Variants in KALRN observed in about 807,000 individuals in gnomAD.
KALRN encodes the protein kalirin RhoGEF kinase, also known as kalirin.
A neutral mutation model predicts 353.7 loss-of-function variants in KALRN; 70 were observed. The ratio of observed to expected loss-of-function variants is 0.20; its 90% CI spans 0.16 to 0.24. The LOEUF is 0.24. Among genes scored for constraint, KALRN ranks in the 10% least tolerant of loss-of-function variants. The probability of loss-of-function intolerance (pLI) is 1.00; values close to 1 mark genes in which losing one functional copy is unlikely to be tolerated. For missense variants in KALRN, 2,791 were observed against 3,756.7 expected, an observed-to-expected ratio of 0.74 and a Z score of 6.72; for synonymous variants, 1,391 against 1,434.8, an observed-to-expected ratio of 0.97 and a Z score of 0.69.
At position 124,084,151 on chromosome 3, in the gene KALRN, A is replaced by G. The variant is rs546900315; in HGVS notation, c.73+50338A>G. Among the ~76,000 whole-genome samples the G allele has an allele frequency of 2.7e-3, 406 of 152,346 alleles. 2 individuals carry two copies. The highest frequency in any genetic ancestry group is 4.3e-3 in the Non-Finnish European group (294 of 68,036). ...CTCCGCCACTGTGTGTGGTTGTTGG[A>G]GCTACAGGCTGTGAGGAAGAATAGT... On this transcript the variant is annotated intron_variant, in intron 1 of 59. Coordinates refer to ENST00000682506, the MANE Select transcript of KALRN (RefSeq NM_001388419.1).
chr3:124,669,264 G>A (rs1009365771), intron 47 of KALRN, among the ~76,000 whole-genome samples: 1 of 152,152 alleles, frequency 6.6e-6, no homozygotes. Flanking sequence ...GCTAGTGTTA[G>A]GGCACTCATT....
chr3:124,303,963 G>C (rs1467838796), intron 6 of KALRN, among the ~76,000 whole-genome samples: 3 of 152,090 alleles, frequency 2.0e-5, no homozygotes, highest in Admixed American at 6.6e-5. Context: ...GAGGCAGGCA[G>C]GTGGTCTCCC....
chr3:124,220,247 G>A (rs572955937), intron 1 of KALRN, among the ~76,000 whole-genome samples: 6 of 152,282 alleles, frequency 3.9e-5, no homozygotes, highest in East Asian at 1.9e-4. Context: ...CCGGCCGGTG[G>A]TAGCTGTTTT....
At chr3:124,288,529 G>T (rs562433326) in intron 5 of KALRN, among the ~76,000 whole-genome samples, 6 of 152,324 alleles carry the variant, frequency 3.9e-5, no homozygotes, top group Non-Finnish European at 8.8e-5. Flanking sequence ...GACCAGTCTG[G>T]GGTTGAGAGA....
At chr3:124,526,194 T>C (rs2067576517) in intron 33 of KALRN, among the ~76,000 whole-genome samples, 1 of 152,194 alleles carries the variant, frequency 6.6e-6, no homozygotes, top group African/African-American at 2.4e-5. Context: ...CACATGCCAG[T>C]TTCCCAACAT....
intron 3 of KALRN, among the ~76,000 whole-genome samples, chr3:124,247,223 A>C (rs1039882368): frequency 6.6e-6 from 1 of 152,190 alleles, no homozygotes; most frequent in Non-Finnish European, 1.5e-5. Flanking sequence ...CCAAGAAGAC[A>C]TAGATGGGTT....
chr3:124,606,832 G>A (rs981588474), intron 34 of KALRN, among the ~76,000 whole-genome samples: 4 of 152,176 alleles, frequency 2.6e-5, no homozygotes, highest in Admixed American at 2.0e-4. Context: ...CGATGAAGAT[G>A]TAAGACTTTT....
intron 7 of KALRN, among the ~76,000 whole-genome samples, chr3:124,329,506 C>T (rs2080281682): frequency 6.6e-6 from 1 of 152,124 alleles, no homozygotes; most frequent in Non-Finnish European, 1.5e-5. Context: ...TGTGAGTGTG[C>T]GTGGGGCAAG....
At chr3:124,039,400 T>C (rs555745320) in intron 1 of KALRN, among the ~76,000 whole-genome samples, 1 of 152,230 alleles carries the variant, frequency 6.6e-6, no homozygotes, top group African/African-American at 2.4e-5. Flanking sequence ...GTCTCCCCCA[T>C]TGAAGTTATT....
chr3:124,666,760 C>T (rs1011462864), intron 46 of KALRN, 126 bp downstream of exon 46: 8 of 817,748 alleles, frequency 9.8e-6, no homozygotes, highest in African/African-American at 1.7e-5. Context: ...GAATAACATT[C>T]GGTCATGGAG....
intron 33 of KALRN, among the ~76,000 whole-genome samples, chr3:124,508,999 G>T (rs2065560285): frequency 6.6e-6 from 1 of 152,014 alleles, no homozygotes; most frequent in African/African-American, 2.4e-5. Flanking sequence ...GTGTACAGTG[G>T]GTTGTTTGGC....
Position 124,456,658 on chromosome 3 carries a change from C to T in KALRN, c.3784C>T (p.Arg1262Trp), listed in dbSNP as rs748339297. The stretch of plus-strand genomic sequence containing the variant: ...TATTATCCCAGCAAGCCTTTCGGAT[C>T]GGGAGGTCAAGCTGCGGGACGCCAA... ...LDIIPASLSD[R>W]EVKLRDANHE... is the part of the protein sequence containing the mutation. The change falls in exon 23 of 60, where the codon CGG becomes TGG. Residue 1262 changes from arginine (R) to tryptophan (W), a missense_variant. Arg to Trp is a moderately radical substitution (Grantham distance 101). Transcript: ENST00000682506. 2 of 1,613,264 alleles carry T rather than the reference C, an allele frequency of 1.2e-6. No individual in the cohort carries two copies. Among genetic ancestry groups the T allele is most frequent in the Non-Finnish European group, 1.7e-6 (2 of 1,179,574 alleles).
Position 124,473,612 on chromosome 3 carries a change from G to A in KALRN, c.4032-1051G>A, listed in dbSNP as rs139007110. ...TAGAGAGCTGTGTCTTCTTTTCATA[G>A]CTGCATAGTATATAGCTCTGTGGAT... On this transcript the variant is annotated intron_variant, in intron 25 of 59. Transcript: ENST00000682506. Among the ~76,000 whole-genome samples, 226 of 152,278 alleles carry A rather than the reference G, an allele frequency of 1.5e-3. 1 individual carries two copies. Among genetic ancestry groups the A allele is most frequent in the Non-Finnish European group, 2.3e-3 (157 of 68,016 alleles).
At chr3:124,373,195 A>G (rs976025305) in intron 10 of KALRN, among the ~76,000 whole-genome samples, 1 of 152,106 alleles carries the variant, frequency 6.6e-6, no homozygotes, top group Non-Finnish European at 1.5e-5. Context: ...TAAACTGGGA[A>G]GGTTGTATGA....
In KALRN at chr3:124,717,343, G is replaced by A. The variant is rs774188038; in HGVS notation, c.8373G>A (p.Leu2791=). 6.2e-6 allele frequency: 10 copies of A among 1,612,202 alleles called. No homozygotes were observed. Among genetic ancestry groups the A allele is most frequent in the Non-Finnish European group, 8.5e-6 (10 of 1,179,120 alleles). ...AFYIRDIMEA[L]QYLHNCRVAH... ...ATATCCGAGACATCATGGAGGCTCT[G>A]CAGTACCTTCACAACTGCAGGGTTG... The change falls in exon 59 of 60, where the codon CTG becomes CTA. Residue 2791 remains leucine, a synonymous_variant. Coordinates refer to ENST00000682506, the MANE Select transcript of KALRN (RefSeq NM_001388419.1).
intron 21 of KALRN, among the ~76,000 whole-genome samples, chr3:124,450,165 C>A (rs2058643267): frequency 6.6e-6 from 1 of 152,172 alleles, no homozygotes; most frequent in African/African-American, 2.4e-5. Flanking sequence ...CTCTCACCAG[C>A]AGTTTGTGAG....
chr3:124,720,093 C>T lies in KALRN; in HGVS notation c.*623C>T, dbSNP rs1405364643. On this transcript the variant is annotated 3_prime_UTR_variant, in exon 60 of 60. Transcript: ENST00000682506. ...GTTTTGACTAAGCACAATTAGATGACAAGTTTTTTTAGAGCATTTTATAGA... is the reference window on the plus strand; with the variant it reads ...GTTTTGACTAAGCACAATTAGATGATAAGTTTTTTTAGAGCATTTTATAGA... 6.6e-6 allele frequency: 1 copy of T among 152,558 alleles called. No individual in the cohort carries two copies. Among genetic ancestry groups the T allele is most frequent in the Non-Finnish European group, 1.5e-5 (1 of 68,022 alleles). The allele number at this position is 152,558 out of a possible 1,614,324, so 9.5% of individuals were successfully genotyped here.
chr3:124,114,626 C>T (rs576053968), intron 1 of KALRN, among the ~76,000 whole-genome samples: 1 of 152,304 alleles, frequency 6.6e-6, no homozygotes, highest in African/African-American at 2.4e-5. Flanking sequence ...CAGGCATCCT[C>T]CAGCAACAGC....
intron 1 of KALRN, among the ~76,000 whole-genome samples, chr3:124,171,211 T>G (rs1578921809): frequency 6.6e-6 from 1 of 152,156 alleles, no homozygotes; most frequent in East Asian, 1.9e-4. Context: ...TTTAGTGGAT[T>G]GAAACAACTA....
Sources: gnomAD v4.1 joint callset for allele counts (sites outside exome capture counted in the v4.1 genomes callset) on GRCh38, gnomAD v4.1.1 for gene constraint, MANE v1.5 for transcripts, NCBI Gene and HGNC (gene_info 2026-07-23, HGNC 2026-07-21) for gene names.